RABGEF1: variants seen among roughly 807,000 people sequenced by gnomAD.
The protein encoded by RABGEF1 is rab5 GDP/GTP exchange factor.
RABGEF1 carries 26 observed loss-of-function variants against 57.3 expected under a neutral mutation model. The observed-to-expected ratio is 0.45, with a 90% confidence interval of 0.33 to 0.63. The LOEUF (loss-of-function observed/expected upper bound fraction) is 0.63. RABGEF1 is among the 20% of genes least tolerant of loss of function. The probability of loss-of-function intolerance (pLI) is 0.02; values close to 1 mark genes in which losing one functional copy is unlikely to be tolerated. For synonymous variants in RABGEF1, 185 were observed against 210.7 expected (o/e 0.88, Z 1.06); for missense variants, 464 against 607.6 (o/e 0.76, Z 2.48).
chr7:66,671,943 A>C, the RABGEF1 span, among the ~76,000 whole-genome samples: 1 of 150,998 alleles, frequency 6.6e-6, no homozygotes, highest in South Asian at 2.1e-4. Context: ...CAGCTTCCCA[A>C]GTAGCTGGGA....
chr7:66,672,862 A>G, the RABGEF1 span, among the ~76,000 whole-genome samples: 2 of 152,184 alleles, frequency 1.3e-5, no homozygotes, highest in East Asian at 3.9e-4. Context: ...GCTGCCTCCA[A>G]TGCTGAGAAA....
intron 1 of RABGEF1, chr7:66,770,591 C>T (rs1309588393): frequency 6.6e-6 from 1 of 152,288 alleles, no homozygotes; most frequent in Non-Finnish European, 1.5e-5. Context: ...TCAGGCAATC[C>T]TTCTGTCTCA....
At chr7:66,734,641 C>T (rs1797730737) in intron 2 of RABGEF1, among the ~76,000 whole-genome samples, 2 of 149,150 alleles carry the variant, frequency 1.3e-5, no homozygotes. Flanking sequence ...CCATGTTGGC[C>T]AGGCTGGTCT....
At chr7:66,770,484 T>C (rs117206083) in intron 1 of RABGEF1, 4,034 of 152,326 alleles carry the variant, frequency 0.026, 78 homozygotes, top group Non-Finnish European at 0.043. Context: ...TTTCAATTTT[T>C]TTCTCTTCTC....
intron 2 of RABGEF1, among the ~76,000 whole-genome samples, chr7:66,721,453 A>C (rs1796045057): frequency 1.3e-5 from 2 of 151,822 alleles, no homozygotes; most frequent in Admixed American, 1.3e-4. Flanking sequence ...GCCTTTTTTC[A>C]CTTCTAGGTG....
chr7:66,738,454 G>A (rs1039240803), upstream of RABGEF1, among the ~76,000 whole-genome samples: 37 of 152,106 alleles, frequency 2.4e-4, no homozygotes, highest in Non-Finnish European at 4.4e-5. Flanking sequence ...CTGGGCCCAG[G>A]GGTCTAGGCT....
rs185347152 is a variant in RABGEF1 at position 66,742,666 on chromosome 7, A to T, written c.-18+1874A>T. On this transcript the variant is annotated intron_variant, in intron 1 of 8. Transcript: ENST00000284957. The stretch of plus-strand genomic sequence containing the variant: ...TTGTCACCCAGGCTGGAGTACAGTG[A>T]CACGATCACGAGTCACTGAAGTCTC... Among the ~76,000 whole-genome samples the T allele has an allele frequency of 1.8e-4, 27 of 152,236 alleles. No individual in the cohort carries two copies. The East Asian group carries it at 4.4e-3, about 25-fold the overall frequency.
At chr7:66,741,640 G>A (rs1236373097) in intron 1 of RABGEF1, among the ~76,000 whole-genome samples, 1 of 152,206 alleles carries the variant, frequency 6.6e-6, no homozygotes, top group East Asian at 1.9e-4. Context: ...CACCTTGGGA[G>A]TTGGTTTTTG....
At chr7:66,743,150 A>C (rs1454795102) in intron 1 of RABGEF1, among the ~76,000 whole-genome samples, 1 of 151,932 alleles carries the variant, frequency 6.6e-6, no homozygotes, top group African/African-American at 2.4e-5. Context: ...TCTACTAAAA[A>C]CACTAAAATT....
At chr7:66,736,493 G>C (rs1797959870), upstream of RABGEF1, among the ~76,000 whole-genome samples, 1 of 152,170 alleles carries the variant, frequency 6.6e-6, no homozygotes, top group Non-Finnish European at 1.5e-5. Context: ...AGAGCACTAA[G>C]ACAGTAAATT....
intron 1 of RABGEF1, among the ~76,000 whole-genome samples, chr7:66,744,222 T>C (rs1219076145): frequency 6.6e-6 from 1 of 151,790 alleles, no homozygotes; most frequent in Non-Finnish European, 1.5e-5. Context: ...TACTGCTATC[T>C]TGTATTTTAA....
intron 7 of RABGEF1, among the ~76,000 whole-genome samples, chr7:66,802,428 G>A (rs576338030): frequency 3.9e-5 from 6 of 152,204 alleles, no homozygotes; most frequent in Non-Finnish European, 8.8e-5. Context: ...CAGAGATGGA[G>A]CGTATACTTA....
In RABGEF1 at chr7:66,809,029, C is replaced by A. The variant is rs376082183; in HGVS notation, c.1221C>A (p.Val407=). 1.2e-6 allele frequency: 2 copies of A among 1,613,960 alleles called. No individual in the cohort carries two copies. Among genetic ancestry groups the A allele is most frequent in the African/African-American group, 2.7e-5 (2 of 74,878 alleles). Residue 407 remains valine, a synonymous_variant, in exon 9 of 9, where the codon GTC becomes GTA. Transcript: ENST00000284957. ...ESWSPDACLG[V]KQMYKNLDLL... The stretch of plus-strand genomic sequence containing the variant: ...GGTCTCCTGATGCTTGCTTAGGCGT[C>A]AAGCAAATGTATAAGAACTTGGATC...
the RABGEF1 span, among the ~76,000 whole-genome samples, chr7:66,672,103 G>T: frequency 6.6e-6 from 1 of 151,590 alleles, no homozygotes; most frequent in Non-Finnish European, 1.5e-5. Flanking sequence ...GGCTGTGTCC[G>T]GCTGAGACTC....
At chr7:66,659,175 G>T in the RABGEF1 span, among the ~76,000 whole-genome samples, 1 of 152,180 alleles carries the variant, frequency 6.6e-6, no homozygotes, top group Non-Finnish European at 1.5e-5. Flanking sequence ...ACTGCCTGCT[G>T]GGTGTGGTGG....
At chr7:66,761,656 G>A (rs186245224) in intron 1 of RABGEF1, among the ~76,000 whole-genome samples, 9 of 152,290 alleles carry the variant, frequency 5.9e-5, no homozygotes, top group Admixed American at 5.9e-4. Context: ...TCTCTGGGGA[G>A]GGTTTAAGAC....
chr7:66,735,791 G>T (rs1379500214), upstream of RABGEF1, among the ~76,000 whole-genome samples: 1 of 152,056 alleles, frequency 6.6e-6, no homozygotes, highest in African/African-American at 2.4e-5. Context: ...CATGCTTCCT[G>T]TACAGCCTCC....
chr7:66,808,461 G>A (rs1268405051), intron 8 of RABGEF1, among the ~76,000 whole-genome samples: 2 of 152,124 alleles, frequency 1.3e-5, no homozygotes, highest in Admixed American at 6.6e-5. Flanking sequence ...TGATCCACAC[G>A]TCCCAGCCTC....
At chr7:66,774,175 C>A (rs1412209602) in intron 2 of RABGEF1, among the ~76,000 whole-genome samples, 1 of 152,174 alleles carries the variant, frequency 6.6e-6, no homozygotes. Flanking sequence ...ACAACTTGAC[C>A]AAGTTCTATT....
Sources: gnomAD v4.1 joint callset for allele counts (sites outside exome capture counted in the v4.1 genomes callset) on GRCh38, gnomAD v4.1.1 for gene constraint, MANE v1.5 for transcripts, NCBI Gene and HGNC (gene_info 2026-07-23, HGNC 2026-07-21) for gene names.